Variants in RASGEF1C observed in about 807,000 individuals in gnomAD.
RASGEF1C encodes the protein RasGEF domain family member 1C, also known as ras-GEF domain-containing family member 1C.
RASGEF1C carries 27 observed loss-of-function variants against 58.1 expected under a neutral mutation model. That is an observed-to-expected ratio of 0.46 (90% CI 0.34 to 0.64). RASGEF1C has a LOEUF of 0.64. Ranked by LOEUF, RASGEF1C falls within the 30% of genes least tolerant of loss-of-function variation. The pLI is 0.01. For missense variants in RASGEF1C, 502 were observed against 605.1 expected, an observed-to-expected ratio of 0.83 and a Z score of 1.79; for synonymous variants, 243 against 246.3, an observed-to-expected ratio of 0.99 and a Z score of 0.13.
At chr5:180,208,603 G>A (rs896141781) in intron 1 of RASGEF1C, among the ~76,000 whole-genome samples, 3 of 152,136 alleles carry the variant, frequency 2.0e-5, no homozygotes, top group Non-Finnish European at 1.5e-5. Context: ...TCCCCCAGGC[G>A]CAAGGCCCTT....
chr5:180,166,817 C>T (rs774276004), intron 1 of RASGEF1C, among the ~76,000 whole-genome samples: 18 of 152,050 alleles, frequency 1.2e-4, no homozygotes, highest in East Asian at 3.9e-4. Flanking sequence ...CACCCAGCCC[C>T]GAAGAATATT....
chr5:180,176,609 T>C (rs1362337539), intron 1 of RASGEF1C, among the ~76,000 whole-genome samples: 1 of 148,986 alleles, frequency 6.7e-6, no homozygotes, highest in African/African-American at 2.5e-5. Context: ...CAGGCTGGAG[T>C]GCAGTGGCGC....
intron 1 of RASGEF1C, among the ~76,000 whole-genome samples, chr5:180,208,667 G>C (rs1328335399): frequency 6.6e-6 from 1 of 152,142 alleles, no homozygotes; most frequent in African/African-American, 2.4e-5. Flanking sequence ...TTTCATAGAC[G>C]GGGAAACTGA....
At chr5:180,174,599 T>C (rs570966828) in intron 1 of RASGEF1C, among the ~76,000 whole-genome samples, 77 of 137,648 alleles carry the variant, frequency 5.6e-4, no homozygotes, top group African/African-American at 2.1e-3. Flanking sequence ...TGTGTGTGTG[T>C]GTGCACGCAT....
chr5:180,178,908 G>T (rs183918397), intron 1 of RASGEF1C, among the ~76,000 whole-genome samples: 24 of 152,190 alleles, frequency 1.6e-4, no homozygotes, highest in Non-Finnish European at 2.9e-4. Flanking sequence ...TGTTCTTGGG[G>T]GGGGAGGGGC....
intron 1 of RASGEF1C, among the ~76,000 whole-genome samples, chr5:180,149,796 C>T (rs1330643730): frequency 6.6e-6 from 1 of 152,304 alleles, no homozygotes; most frequent in Non-Finnish European, 1.5e-5. Context: ...TCTTGCTGCT[C>T]TCAATATTCT....
chr5:180,117,122 C>T (rs539692360), intron 10 of RASGEF1C, among the ~76,000 whole-genome samples: 6 of 152,220 alleles, frequency 3.9e-5, no homozygotes, highest in East Asian at 1.9e-4. Context: ...CCTGGCAGGC[C>T]GCCACCTGCC....
At chr5:180,188,881 G>A (rs1446709403) in intron 1 of RASGEF1C, among the ~76,000 whole-genome samples, 2 of 152,014 alleles carry the variant, frequency 1.3e-5, no homozygotes, top group South Asian at 4.2e-4. Flanking sequence ...TTATGTCCAC[G>A]AATACCCAGC....
At chr5:180,128,031 C>T (rs1257470907) in intron 5 of RASGEF1C, among the ~76,000 whole-genome samples, 1 of 152,198 alleles carries the variant, frequency 6.6e-6, no homozygotes, top group African/African-American at 2.4e-5. Context: ...AGAATCAAAC[C>T]CTGGCTCTGT....
intron 1 of RASGEF1C, among the ~76,000 whole-genome samples, chr5:180,161,639 G>A (rs1282808077): frequency 1.3e-5 from 2 of 152,220 alleles, no homozygotes; most frequent in Non-Finnish European, 2.9e-5. Context: ...AGCCCGAGAG[G>A]GGGAGCAGGT....
chr5:180,202,183 A>C (rs1018990739), intron 1 of RASGEF1C, among the ~76,000 whole-genome samples: 42 of 152,216 alleles, frequency 2.8e-4, no homozygotes, highest in African/African-American at 8.7e-4. Flanking sequence ...TAAAAGCTTA[A>C]TAGTGTTCAT....
intron 11 of RASGEF1C, 23 bp downstream of exon 11, chr5:180,114,423 G>T: frequency 6.2e-7 from 1 of 1,607,760 alleles, no homozygotes; most frequent in South Asian, 1.1e-5. Flanking sequence ...CTACCTCAGT[G>T]GCGGTCCACA....
In RASGEF1C at chr5:180,101,354, G is replaced by GGT; in HGVS notation, c.*146_*147insAC. On this transcript the variant is annotated 3_prime_UTR_variant, in exon 14 of 14. Transcript: ENST00000361132. The stretch of plus-strand genomic sequence containing the variant: ...TCCTGTGCCCGTATGGCCACTGTGG[G>GGT]GGGGGGGGGGGCGGGCAGCAGGCCA... 2.0e-6 allele frequency: 1 copy of GGT among 492,460 alleles called. No homozygotes were observed. Among genetic ancestry groups the GGT allele is most frequent in the Non-Finnish European group, 3.2e-6 (1 of 312,246 alleles). The allele number at this position is 492,460 out of a possible 1,614,324, so 30.5% of individuals were successfully genotyped here. A position where few individuals can be genotyped will look rare whatever the true frequency, so the allele number is the denominator to read the frequency against.
chr5:180,207,056 A>G (rs2127565244), intron 1 of RASGEF1C, among the ~76,000 whole-genome samples: 1 of 152,352 alleles, frequency 6.6e-6, no homozygotes, highest in Admixed American at 6.5e-5. Flanking sequence ...CCTAAAGTCT[A>G]AAGGAAAAAA....
At chr5:180,122,558 T>C (rs983195123) in intron 6 of RASGEF1C, among the ~76,000 whole-genome samples, 2 of 151,898 alleles carry the variant, frequency 1.3e-5, no homozygotes, top group Admixed American at 6.6e-5. Context: ...CTGGTCAACA[T>C]GATGAAACTC....
intron 7 of RASGEF1C, among the ~76,000 whole-genome samples, chr5:180,119,690 A>C (rs1172130432): frequency 6.6e-6 from 1 of 151,736 alleles, no homozygotes; most frequent in East Asian, 2.0e-4. Flanking sequence ...GGAGCTGCTG[A>C]GAGGCACCTT....
At chr5:180,149,928 G>T (rs1001101084) in intron 1 of RASGEF1C, among the ~76,000 whole-genome samples, 2 of 152,116 alleles carry the variant, frequency 1.3e-5, no homozygotes, top group African/African-American at 4.8e-5. Context: ...CATCAAATTT[G>T]GGAAGTTTTC....
At chr5:180,140,861 G>T (rs10072480) in intron 1 of RASGEF1C, among the ~76,000 whole-genome samples, 142,767 of 152,158 alleles carry the variant, frequency 0.94, 67,683 homozygotes, top group East Asian at 1. Flanking sequence ...TCGGCGGAGC[G>T]GGGGGCAACG....
At chr5:180,154,583 CTT>C (rs113429753) in intron 1 of RASGEF1C, among the ~76,000 whole-genome samples, 60,481 of 140,416 alleles carry the variant, frequency 0.43, 13,919 homozygotes, top group Non-Finnish European at 0.54. Context: ...ACTCTGGACT[CTT>C]TTTTTTTTTT....
Sources: gnomAD v4.1 joint callset for allele counts (sites outside exome capture counted in the v4.1 genomes callset) on GRCh38, gnomAD v4.1.1 for gene constraint, MANE v1.5 for transcripts, NCBI Gene and HGNC (gene_info 2026-07-23, HGNC 2026-07-21) for gene names.